The following KCNQ3 variants were observed in gnomAD, a reference collection of about 807,000 sequenced individuals.
The protein encoded by KCNQ3 is potassium voltage-gated channel subfamily KQT member 3.
In KCNQ3, 30 loss-of-function variants were observed where a neutral mutation model predicts 92.5. The observed-to-expected ratio is 0.32, with a 90% confidence interval of 0.24 to 0.44. The LOEUF is 0.44. KCNQ3 is among the 20% of genes least tolerant of loss of function. The pLI is 1.00. For synonymous variants in KCNQ3, 450 were observed against 468.8 expected (o/e 0.96, Z 0.52); for missense variants, 913 against 1,140.3 (o/e 0.80, Z 2.87).
At chr8:132,174,193 G>A (rs2130127722) in intron 6 of KCNQ3, 46 bp downstream of exon 6, 1 of 1,345,760 alleles carries the variant, frequency 7.4e-7, no homozygotes, top group African/African-American at 1.5e-5. Flanking sequence ...GGCGGTAAGG[G>A]GTCCTGCACG....
In KCNQ3 at chr8:132,129,987, T is replaced by G. The variant is rs1824817569; in HGVS notation, c.1894A>C (p.Met632Leu). The part of the protein sequence containing the change: ...FVKVERQVQD[M>L]GKKLDFLVDM... ...ACGAGGAAGTCCAGCTTCTTCCCCA[T>G]GTCCTGAACCTGGAAAATCAAAGGA... The change falls in exon 15 of 15, where the codon ATG becomes CTG. Residue 632 changes from methionine (M) to leucine (L), a missense_variant. Met to Leu is a conservative substitution (Grantham distance 15, BLOSUM62 2). Around this residue, in one of 6 missense-constraint regions of KCNQ3, gnomAD observed 375 missense variants for 376.4 expected, o/e 1.00. Coordinates refer to ENST00000388996, the MANE Select transcript of KCNQ3 (RefSeq NM_004519.4). The surrounding 1 kb of genome is among the most constrained non-coding windows in gnomAD (Gnocchi z 5.9). The G allele has an allele frequency of 6.2e-7, 1 of 1,613,382 alleles. No homozygotes were observed. The highest frequency in any genetic ancestry group is 8.5e-7 in the Non-Finnish European group (1 of 1,180,040).
chr8:132,124,326 G>C lies in KCNQ3; in HGVS notation c.*4936C>G, dbSNP rs192875260. 2 of 152,290 alleles carry C rather than the reference G, an allele frequency of 1.3e-5. No individual in the cohort carries two copies. Among genetic ancestry groups the C allele is most frequent in the Non-Finnish European group, 2.9e-5 (2 of 68,032 alleles). 9.4% of individuals were successfully genotyped at this position (152,290 alleles called of 1,614,324 possible). On this transcript the variant is annotated 3_prime_UTR_variant, in exon 15 of 15. Coordinates refer to ENST00000388996, the MANE Select transcript of KCNQ3 (RefSeq NM_004519.4). ...GTTTATAAGTAACACCAAAGACTGA[G>C]ACAATGAAGTCCATGCATACTGTAA...
chr8:132,391,850 G>A (rs1024242103), intron 1 of KCNQ3, among the ~76,000 whole-genome samples: 2 of 152,180 alleles, frequency 1.3e-5, no homozygotes, highest in Non-Finnish European at 2.9e-5. Context: ...CTGGGCAGCC[G>A]CTGTCTTGGA....
intron 1 of KCNQ3, among the ~76,000 whole-genome samples, chr8:132,188,541 T>C (rs961214978): frequency 2.6e-5 from 4 of 152,254 alleles, no homozygotes; most frequent in Admixed American, 6.5e-5. Flanking sequence ...TCCAATTAAA[T>C]GTCCATATCC....
At chr8:132,447,426 G>C (rs772745285) in intron 1 of KCNQ3, among the ~76,000 whole-genome samples, 43 of 152,154 alleles carry the variant, frequency 2.8e-4, no homozygotes, top group Admixed American at 1.0e-3. Context: ...GTGGGGAAGA[G>C]GTGGTGGAGG....
chr8:132,254,155 AACTGACTC>A (rs1424378483), intron 1 of KCNQ3, among the ~76,000 whole-genome samples: 1 of 152,214 alleles, frequency 6.6e-6, no homozygotes, highest in Non-Finnish European at 1.5e-5. Flanking sequence ...CTGCATTTAA[AACTGACTC>A]ATGTGCCCAT....
chr8:132,278,806 C>T (rs1194977820), intron 1 of KCNQ3, among the ~76,000 whole-genome samples: 1 of 152,172 alleles, frequency 6.6e-6, no homozygotes, highest in Non-Finnish European at 1.5e-5. Flanking sequence ...CTCTAATTAG[C>T]CCCTCCTTAA....
intron 1 of KCNQ3, among the ~76,000 whole-genome samples, chr8:132,282,370 G>A (rs1026913785): frequency 5.3e-5 from 8 of 152,046 alleles, no homozygotes; most frequent in African/African-American, 9.7e-5. Flanking sequence ...TCCTTTGCTC[G>A]GCTAAAGAAT....
intron 1 of KCNQ3, among the ~76,000 whole-genome samples, chr8:132,458,926 T>C (rs990792417): frequency 3.3e-5 from 5 of 152,244 alleles, no homozygotes; most frequent in Non-Finnish European, 5.9e-5. Context: ...TTTATTCAGA[T>C]TCCCTTAGTT....
intron 1 of KCNQ3, among the ~76,000 whole-genome samples, chr8:132,353,542 C>T (rs1785699167): frequency 6.6e-6 from 1 of 152,162 alleles, no homozygotes; most frequent in African/African-American, 2.4e-5. Context: ...TTAAACAATA[C>T]TTGCTTTCAA....
Position 132,309,101 on chromosome 8 carries a change from T to C in KCNQ3, c.387-122920A>G, listed in dbSNP as rs73360846. 8.6e-3 allele frequency among the ~76,000 whole-genome samples: 1,306 copies of C among 152,200 alleles called. 23 individuals carry two copies. The highest frequency in any genetic ancestry group is 0.03 in the African/African-American group (1,257 of 41,510). Reference sequence around the variant, plus strand: ...TAGAATAAAAGCAGGCAGAAGAGCATGAAAAGACTAGACTGGTTTAGACTT... The same window carrying C: ...TAGAATAAAAGCAGGCAGAAGAGCACGAAAAGACTAGACTGGTTTAGACTT... On this transcript the variant is annotated intron_variant, in intron 1 of 14. Transcript: ENST00000388996.
Position 132,134,233 on chromosome 8 carries a change from G to A in KCNQ3, c.1799+57C>T, listed in dbSNP as rs551624160. ...GGACCCCAGCAGAGGTTTGGGGGTG[G>A]GGATGCTTTACAAACTTTGCACCCC... On this transcript the variant is annotated intron_variant, in intron 13 of 14. Coordinates refer to ENST00000388996, the MANE Select transcript of KCNQ3 (RefSeq NM_004519.4). The A allele has an allele frequency of 2.4e-5, 31 of 1,276,780 alleles. No homozygotes were observed. In the South Asian group the frequency reaches 3.7e-4, roughly 15 times the overall value. 79.1% of individuals were successfully genotyped at this position (1,276,780 alleles called of 1,614,324 possible). A position where few individuals can be genotyped will look rare whatever the true frequency, so the allele number is the denominator to read the frequency against.
chr8:132,340,577 C>G (rs769962052), intron 1 of KCNQ3, among the ~76,000 whole-genome samples: 42 of 151,864 alleles, frequency 2.8e-4, no homozygotes, highest in Admixed American at 8.5e-4. Flanking sequence ...CACATGGACA[C>G]AAGGAGGGGA....
chr8:132,210,748 G>T (rs1813825704), intron 1 of KCNQ3, among the ~76,000 whole-genome samples: 1 of 152,182 alleles, frequency 6.6e-6, no homozygotes, highest in South Asian at 2.1e-4. Flanking sequence ...TTCAAAGCCA[G>T]AAAAGCAGAG....
intron 1 of KCNQ3, among the ~76,000 whole-genome samples, chr8:132,327,961 G>C (rs1303940304): frequency 6.6e-6 from 1 of 152,088 alleles, no homozygotes; most frequent in Non-Finnish European, 1.5e-5. Flanking sequence ...TCTAGGACCT[G>C]GGGCCTTAAT....
rs192501377 is a variant in KCNQ3 at position 132,168,122 on chromosome 8, T to A, written c.1235+2212A>T. On this transcript the variant is annotated intron_variant, in intron 8 of 14. Transcript: ENST00000388996. ...CTGACCCCTCTAACTCTCCCACCAG[T>A]CATGGGTCCCTTTTGCCTGTTCTCT... is the stretch of plus-strand genomic sequence containing the variant. 2.8e-4 allele frequency among the ~76,000 whole-genome samples: 42 copies of A among 152,338 alleles called. 2 individuals are homozygous for A. The East Asian group carries it at 8.1e-3, about 29-fold the overall frequency.
At chr8:132,343,978 GT>G (rs1415478829) in intron 1 of KCNQ3, among the ~76,000 whole-genome samples, 1 of 152,216 alleles carries the variant, frequency 6.6e-6, no homozygotes, top group Non-Finnish European at 1.5e-5. Flanking sequence ...ATTCAGATAA[GT>G]GGCACATGTT....
At chr8:132,420,394 A>G (rs1362888443) in intron 1 of KCNQ3, among the ~76,000 whole-genome samples, 1 of 152,182 alleles carries the variant, frequency 6.6e-6, no homozygotes, top group Non-Finnish European at 1.5e-5. Context: ...TGTCATGGAC[A>G]CAGATGATGA....
intron 1 of KCNQ3, among the ~76,000 whole-genome samples, chr8:132,221,423 G>C (rs956852750): frequency 6.6e-6 from 1 of 152,160 alleles, no homozygotes; most frequent in Non-Finnish European, 1.5e-5. Context: ...CTAGTTTACA[G>C]TCCCACCAAC....
Sources: gnomAD v4.1 joint callset for allele counts (sites outside exome capture counted in the v4.1 genomes callset) on GRCh38, gnomAD v4.1.1 for gene constraint, gnomAD v4.1.1 regional missense constraint, Gnocchi (gnomAD v3.1) non-coding constraint, MANE v1.5 for transcripts, NCBI Gene and HGNC (gene_info 2026-07-23, HGNC 2026-07-21) for gene names.